The following NDUFB6 variants were observed in gnomAD, a reference collection of about 807,000 sequenced individuals.
The protein encoded by NDUFB6 is NADH:ubiquinone oxidoreductase subunit B6, also known as NADH dehydrogenase [ubiquinone] 1 beta subcomplex subunit 6.
Under a neutral mutation model 17.5 loss-of-function variants are expected in NDUFB6, and 23 were observed. That is an observed-to-expected ratio of 1.31 (90% confidence interval 0.94 to 1.86). The LOEUF (loss-of-function observed/expected upper bound fraction) is 1.86, where lower values mean the gene tolerates loss of function less well. NDUFB6 is among the 40% of genes most tolerant of loss of function. The pLI is 0.00. For missense variants in NDUFB6, 167 were observed against 153.8 expected, an observed-to-expected ratio of 1.09 and a Z score of -0.46; for synonymous variants, 60 against 53.5, an observed-to-expected ratio of 1.12 and a Z score of -0.53.
intron 2 of NDUFB6, chr9:32,567,113 T>C (rs1276498886): frequency 4.1e-6 from 2 of 481,998 alleles, no homozygotes; most frequent in African/African-American, 2.0e-5. Flanking sequence ...CACAGTCTTG[T>C]GCTTCTGGAG....
rs769852730 is a variant in NDUFB6, at chr9:32,571,013, G to A, written c.220C>T (p.His74Tyr). Residue 74 changes from histidine (H) to tyrosine (Y), a missense_variant, in exon 2 of 4, where the codon CAT becomes TAT. His to Tyr is a moderately conservative substitution (Grantham distance 83). Transcript: ENST00000379847. ...ATAATCCAGACAGGTACAAGTACAT[G>A]AGTGAAAACAAAGATACTCTTTTTG... ...VYKKSIFVFT[H>Y]VLVPVWIIHY... is the part of the protein sequence containing the mutation. 42 of 1,606,276 alleles carry A rather than the reference G, an allele frequency of 2.6e-5. No homozygotes were observed. The Middle Eastern group carries it at 5.0e-4, about 19-fold the overall frequency.
At chr9:32,570,899 A>C in intron 2 of NDUFB6, 61 bp downstream of exon 2, 2 of 1,147,852 alleles carry the variant, frequency 1.7e-6, no homozygotes, top group South Asian at 3.0e-5. Flanking sequence ...AGGGTAAGAT[A>C]GCCACAAAGA....
At chr9:32,556,216 C>T (rs1821450433) in intron 3 of NDUFB6, among the ~76,000 whole-genome samples, 1 of 152,224 alleles carries the variant, frequency 6.6e-6, no homozygotes, top group Admixed American at 6.5e-5. Flanking sequence ...GTAGCAGAAA[C>T]TCCATGAACA....
intron 2 of NDUFB6, chr9:32,565,700 G>C (rs916461997): frequency 6.5e-6 from 1 of 153,044 alleles, no homozygotes; most frequent in Non-Finnish European, 1.5e-5. Context: ...GGCCAGGCAC[G>C]GAGGCCCACG....
rs142936680 is a variant in NDUFB6 at position 32,558,746 on chromosome 9, GTTTT to G, written c.318+160_318+163del. Among the ~76,000 whole-genome samples, 54 of 150,884 alleles carry G rather than the reference GTTTT, an allele frequency of 3.6e-4. 1 individual carries two copies. In the Middle Eastern group the frequency reaches 0.01, roughly 29 times the overall value. Reference sequence around the variant, plus strand: ...TTGTTACCTCACGGTATTTCTTCCTGTTTTTTTTTGTTTTGTTTTGTTTTTTACA... The same window carrying G: ...TTGTTACCTCACGGTATTTCTTCCTGTTTTTGTTTTGTTTTGTTTTTTACA... On this transcript the variant is annotated intron_variant, in intron 3 of 3. Transcript: ENST00000379847.
chr9:32,568,742 ATATATAT>A (rs1821873460), intron 2 of NDUFB6: 1 of 119,606 alleles, frequency 8.4e-6, no homozygotes, highest in African/African-American at 3.6e-5. Flanking sequence ...ATATATATAT[ATATATAT>A]TTTTTTTTTT....
intron 1 of NDUFB6, 132 bp downstream of exon 1, chr9:32,572,748 CG>C (rs1821970502): frequency 4.0e-6 from 3 of 752,128 alleles, no homozygotes; most frequent in Non-Finnish European, 6.1e-6. Context: ...GGAGGACTCT[CG>C]GGACTGGCCA....
intron 2 of NDUFB6, among the ~76,000 whole-genome samples, chr9:32,563,805 G>A (rs977365473): frequency 1.1e-4 from 17 of 151,864 alleles, no homozygotes; most frequent in African/African-American, 4.1e-4. Flanking sequence ...TTTTATTCAG[G>A]TGACTATCAT....
chr9:32,555,890 G>A lies in NDUFB6; in HGVS notation c.319-1946C>T, dbSNP rs187512901. 1.1e-3 allele frequency among the ~76,000 whole-genome samples: 169 copies of A among 152,284 alleles called. 1 individual carries two copies. The highest frequency in any genetic ancestry group is 3.8e-3 in the African/African-American group (157 of 41,560). On this transcript the variant is annotated intron_variant, in intron 3 of 3. Transcript: ENST00000379847. ...CCCATTCAAGTAATTTCTCACACAC[G>A]GGTTAGGAGTGAGATTTCAGGATTG...
chr9:32,564,172 T>A (rs1161028923), intron 2 of NDUFB6, among the ~76,000 whole-genome samples: 1 of 152,194 alleles, frequency 6.6e-6, no homozygotes, highest in African/African-American at 2.4e-5. Flanking sequence ...CTATATCTAT[T>A]TCTAGGTCTA....
At chr9:32,554,846 G>A (rs1821410887) in intron 3 of NDUFB6, among the ~76,000 whole-genome samples, 1 of 152,032 alleles carries the variant, frequency 6.6e-6, no homozygotes, top group Admixed American at 6.5e-5. Context: ...AAAAGGCAGT[G>A]GCAAACTATT....
chr9:32,554,204 G>C (rs1412670007), intron 3 of NDUFB6, among the ~76,000 whole-genome samples: 2 of 152,216 alleles, frequency 1.3e-5, no homozygotes, highest in Non-Finnish European at 1.5e-5. Context: ...TGTTCTCTAA[G>C]TGATAAAGGG....
intron 3 of NDUFB6, among the ~76,000 whole-genome samples, chr9:32,554,939 T>C (rs537734006): frequency 7.9e-5 from 12 of 152,306 alleles, no homozygotes; most frequent in Middle Eastern, 3.4e-3. Context: ...AAAAAAGTTA[T>C]AGTATGTGTT....
At chr9:32,569,290 C>G (rs1390672020) in intron 2 of NDUFB6, among the ~76,000 whole-genome samples, 1 of 152,054 alleles carries the variant, frequency 6.6e-6, no homozygotes, top group Non-Finnish European at 1.5e-5. Flanking sequence ...ACGATCTCAG[C>G]TCACTGCAAC....
chr9:32,563,932 T>G (rs1004792935), intron 2 of NDUFB6, among the ~76,000 whole-genome samples: 2 of 152,240 alleles, frequency 1.3e-5, no homozygotes, highest in African/African-American at 2.4e-5. Flanking sequence ...CTTTACTTTC[T>G]GGCACAATAA....
At chr9:32,572,135 G>A (rs1821952587) in intron 1 of NDUFB6, among the ~76,000 whole-genome samples, 1 of 152,208 alleles carries the variant, frequency 6.6e-6, no homozygotes, top group Non-Finnish European at 1.5e-5. Flanking sequence ...CAAGCACACA[G>A]CAAGCACCCG....
At chr9:32,557,304 C>T (rs1184633451) in intron 3 of NDUFB6, among the ~76,000 whole-genome samples, 1 of 149,284 alleles carries the variant, frequency 6.7e-6, no homozygotes, top group Non-Finnish European at 1.5e-5. Flanking sequence ...GCTGGGATTA[C>T]AGGCGTGCAC....
At chr9:32,572,846 T>C in intron 1 of NDUFB6, 35 bp downstream of exon 1, 4 of 1,499,846 alleles carry the variant, frequency 2.7e-6, no homozygotes, top group Non-Finnish European at 2.7e-6. Context: ...AGCAGTGGGA[T>C]GTGTTGGGGG....
rs1405967886 is a variant in NDUFB6, at chr9:32,566,868, C to T, written c.273+4092G>A. 7.5e-6 allele frequency: 5 copies of T among 666,106 alleles called. No homozygotes were observed. The East Asian group carries it at 1.3e-4, about 18-fold the overall frequency. 41.3% of individuals were successfully genotyped at this position (666,106 alleles called of 1,614,324 possible). A position where few individuals can be genotyped will look rare whatever the true frequency, so the allele number is the denominator to read the frequency against. Reference sequence around the variant, plus strand: ...GTAGCTGCCGGGCGGCCTGGATGAGCCACGCGTGCGGCTGGCGAAAAGCAC... The same window carrying T: ...GTAGCTGCCGGGCGGCCTGGATGAGTCACGCGTGCGGCTGGCGAAAAGCAC... On this transcript the variant is annotated intron_variant, in intron 2 of 3. Coordinates refer to ENST00000379847, the MANE Select transcript of NDUFB6 (RefSeq NM_002493.5).
Sources: allele counts gnomAD v4.1 joint callset (sites outside exome capture counted in the v4.1 genomes callset), GRCh38; gene constraint gnomAD v4.1.1; transcripts MANE v1.5; gene names NCBI Gene and HGNC (gene_info 2026-07-23, HGNC 2026-07-21).